Variants in ANKRD17 observed in about 807,000 individuals in gnomAD.
ANKRD17 encodes ankyrin repeat domain-containing protein 17.
A neutral mutation model predicts 229.7 loss-of-function variants in ANKRD17; 19 were observed. That is an observed-to-expected ratio of 0.08 (90% confidence interval 0.06 to 0.12). ANKRD17 has a LOEUF of 0.12. Among genes scored for constraint, ANKRD17 ranks in the 10% least tolerant of loss-of-function variants. The pLI is 1.00. For missense variants in ANKRD17, 2,176 were observed against 3,176.8 expected (o/e 0.68, Z 7.57); for synonymous variants, 1,112 against 1,146.1 (o/e 0.97, Z 0.60).
intron 25 of ANKRD17, among the ~76,000 whole-genome samples, chr4:73,100,472 TATATA>T (rs1475776109): frequency 6.6e-6 from 1 of 150,724 alleles, no homozygotes; most frequent in East Asian, 1.9e-4. Flanking sequence ...AAAAAAAACA[TATATA>T]TATATATCCT....
In ANKRD17 at chr4:73,091,569, T is replaced by C. The variant is rs1429380136; in HGVS notation, c.6059A>G (p.Asn2020Ser). The C allele has an allele frequency of 1.2e-6, 2 of 1,614,072 alleles. No homozygotes were observed. Among genetic ancestry groups the C allele is most frequent in the Admixed American group, 1.7e-5 (1 of 60,006 alleles). The change falls in exon 29 of 34, where the codon AAC (asparagine) becomes AGC (serine). Residue 2020 changes from asparagine to serine, a missense_variant. Asn to Ser is a conservative substitution (Grantham distance 46). Around this residue, in one of 18 missense-constraint regions of ANKRD17, gnomAD observed 424 missense variants for 454.0 expected, o/e 0.93. Transcript: ENST00000358602. ...TGTGGCATTTGTGGGTGCAGTGTTG[T>C]TGTTGCTTGCCGTGGTTGTGACTGT... is the stretch of plus-strand genomic sequence containing the variant. The part of the protein sequence containing the change: ...TTTVTTTASN[N>S]NTAPTNATYP...
At chr4:73,202,708 TATAA>T (rs748893263) in intron 1 of ANKRD17, among the ~76,000 whole-genome samples, 15 of 152,146 alleles carry the variant, frequency 9.9e-5, no homozygotes, top group Non-Finnish European at 1.5e-4. Context: ...TACAGCCAAA[TATAA>T]ATACTCTTTA....
chr4:73,133,403 T>C lies in ANKRD17; in HGVS notation c.3234+1714A>G, dbSNP rs1391355491. On this transcript the variant is annotated intron_variant, in intron 16 of 33. Transcript: ENST00000358602. Reference sequence around the variant, plus strand: ...GAATGTCTCGTGTTTTTTTTTTTTTTTTTTGAGACAGAGTTTCGCTCTTGT... The same window carrying C: ...GAATGTCTCGTGTTTTTTTTTTTTTCTTTTGAGACAGAGTTTCGCTCTTGT... Among the ~76,000 whole-genome samples the C allele has an allele frequency of 2.7e-5, 4 of 149,620 alleles. No homozygotes were observed. In the East Asian group the frequency reaches 5.9e-4, roughly 22 times the overall value.
intron 19 of ANKRD17, 66 bp downstream of exon 19, chr4:73,121,551 G>A (rs775517952): frequency 1.3e-6 from 2 of 1,577,378 alleles, no homozygotes; most frequent in South Asian, 1.1e-5. Context: ...TAAAAAATAG[G>A]TGTTCTACAA....
In ANKRD17 at chr4:73,075,219, A is replaced by G. The variant is rs1577967296; in HGVS notation, c.*1012T>C. ...ACTGAAAAGCCAATGTTAAGAATCA[A>G]TATCATCCAATATAAAATAGTACAT... On this transcript the variant is annotated 3_prime_UTR_variant, in exon 34 of 34. Coordinates refer to ENST00000358602, the MANE Select transcript of ANKRD17 (RefSeq NM_032217.5). 3 of 152,138 alleles carry G rather than the reference A, an allele frequency of 2.0e-5. No individual in the cohort carries two copies. Among genetic ancestry groups the G allele is most frequent in the South Asian group, 4.1e-4 (2 of 4,830 alleles). 9.4% of individuals were successfully genotyped at this position (152,138 alleles called of 1,614,324 possible). A position where few individuals can be genotyped will look rare whatever the true frequency, so the allele number is the denominator to read the frequency against.
chr4:73,124,475 G>A (rs1429249392), intron 18 of ANKRD17, among the ~76,000 whole-genome samples: 1 of 152,002 alleles, frequency 6.6e-6, no homozygotes, highest in East Asian at 1.9e-4. Flanking sequence ...AAAGGGTGGG[G>A]AAAAATCAAA....
chr4:73,244,331 C>T (rs1344011474), intron 1 of ANKRD17, among the ~76,000 whole-genome samples: 1 of 152,106 alleles, frequency 6.6e-6, no homozygotes, highest in Non-Finnish European at 1.5e-5. Flanking sequence ...TAGTGAGCCA[C>T]AGTAGATCTT....
At chr4:73,128,153 A>G (rs193130301) in intron 16 of ANKRD17, among the ~76,000 whole-genome samples, 70 of 152,372 alleles carry the variant, frequency 4.6e-4, no homozygotes, top group Admixed American at 4.5e-3. Context: ...ATCTGATTTC[A>G]GAGAAAAGGA....
At chr4:73,077,297 C>A (rs1388953243) in intron 32 of ANKRD17, 58 bp downstream of exon 32, 2 of 1,509,564 alleles carry the variant, frequency 1.3e-6, no homozygotes, top group Non-Finnish European at 8.9e-7. Flanking sequence ...CTACTATATT[C>A]AAAACATTTT....
chr4:73,097,678 A>G (rs1456907935), intron 26 of ANKRD17, among the ~76,000 whole-genome samples: 1 of 152,102 alleles, frequency 6.6e-6, no homozygotes, highest in East Asian at 1.9e-4. Context: ...GGCCCAAACA[A>G]TCCTCCCACT....
At chr4:73,198,010 G>C (rs1286356486) in intron 1 of ANKRD17, among the ~76,000 whole-genome samples, 1 of 152,102 alleles carries the variant, frequency 6.6e-6, no homozygotes, top group African/African-American at 2.4e-5. Flanking sequence ...ATAAATGATT[G>C]TAACTTCAGA....
At chr4:73,098,905 G>T in intron 25 of ANKRD17, 1 of 1,138,976 alleles carries the variant, frequency 8.8e-7, no homozygotes, top group Admixed American at 1.7e-5. Flanking sequence ...GCCGGGGCAG[G>T]CCCCGCAAGC....
chr4:73,113,390 G>A, intron 24 of ANKRD17: 1 of 1,290,038 alleles, frequency 7.8e-7, no homozygotes, highest in South Asian at 1.2e-5. Context: ...TATTTCACTA[G>A]TTGGTTATGC....
intron 10 of ANKRD17, 134 bp downstream of exon 10, chr4:73,146,630 A>T: frequency 1.5e-6 from 1 of 687,076 alleles, no homozygotes. Flanking sequence ...AGTGAGAGAA[A>T]GAATGGCAAA....
intron 1 of ANKRD17, among the ~76,000 whole-genome samples, chr4:73,212,497 T>A (rs955936568): frequency 3.9e-5 from 6 of 152,138 alleles, no homozygotes; most frequent in African/African-American, 1.4e-4. Flanking sequence ...CTAATGAAAG[T>A]TTTCAGAAGA....
chr4:73,100,010 G>C (rs1437804243), intron 25 of ANKRD17, among the ~76,000 whole-genome samples: 3 of 152,062 alleles, frequency 2.0e-5, no homozygotes, highest in Non-Finnish European at 4.4e-5. Flanking sequence ...CCAATAACAA[G>C]GAGCTCACCC....
At chr4:73,094,515 T>C (rs950768572) in intron 27 of ANKRD17, among the ~76,000 whole-genome samples, 1 of 152,128 alleles carries the variant, frequency 6.6e-6, no homozygotes, top group Non-Finnish European at 1.5e-5. Flanking sequence ...AGACACGTGC[T>C]GTGCTAATGC....
At position 73,098,226 on chromosome 4, in the gene ANKRD17, C is replaced by T. The variant is rs1327766346; in HGVS notation, c.4868G>A (p.Ser1623Asn). The change falls in exon 26 of 34, where the codon AGC becomes AAC. Residue 1623 changes from serine to asparagine, a missense_variant. Physicochemically the swap from Ser to Asn is conservative, Grantham distance 46. This residue lies in a region of ANKRD17 where 98 missense variants were observed against 101.0 expected (regional missense o/e 0.97). Transcript: ENST00000358602. Reference protein sequence around the residue: ...DSDNMRISSCSDESSNSNSSR... With the variant: ...DSDNMRISSCNDESSNSNSSR... ...GCTGTTGCTGTTACTACTTTCATCG[C>T]TGCAGCTGGAAATCCTCATGTTATC... is the stretch of plus-strand genomic sequence containing the variant. 1 of 1,614,206 alleles carries T rather than the reference C, an allele frequency of 6.2e-7. No individual in the cohort carries two copies. Among genetic ancestry groups the T allele is most frequent in the Non-Finnish European group, 8.5e-7 (1 of 1,180,042 alleles).
intron 1 of ANKRD17, among the ~76,000 whole-genome samples, chr4:73,250,132 T>C (rs1744856340): frequency 6.6e-6 from 1 of 152,114 alleles, no homozygotes; most frequent in African/African-American, 2.4e-5. Flanking sequence ...ACTAAGCTTT[T>C]ACCAAAAAAG....
Sources: allele counts gnomAD v4.1 joint callset (sites outside exome capture counted in the v4.1 genomes callset), GRCh38; gene constraint gnomAD v4.1.1; regional missense constraint gnomAD v4.1.1; transcripts MANE v1.5; gene names NCBI Gene and HGNC (gene_info 2026-07-23, HGNC 2026-07-21).